Variants in ANKRD31 observed in about 807,000 individuals in gnomAD.
The protein encoded by ANKRD31 is ankyrin repeat domain 31, also known as ankyrin repeat domain-containing protein 31.
Under a neutral mutation model 186.0 loss-of-function variants are expected in ANKRD31, and 147 were observed. The ratio of observed to expected loss-of-function variants is 0.79; its 90% CI spans 0.69 to 0.91. The LOEUF (loss-of-function observed/expected upper bound fraction) is 0.91, where lower values mean the gene tolerates loss of function less well. Ranked by LOEUF, ANKRD31 falls within the 40% of genes least tolerant of loss-of-function variation. The pLI is 0.00. For synonymous variants in ANKRD31, 673 were observed against 736.4 expected (o/e 0.91, Z 1.39); for missense variants, 1,986 against 2,148.8 (o/e 0.92, Z 1.50).
chr5:75,140,438 G>A (rs777404472), intron 15 of ANKRD31, among the ~76,000 whole-genome samples: 3 of 151,990 alleles, frequency 2.0e-5, no homozygotes, highest in Non-Finnish European at 4.4e-5. Flanking sequence ...CAGTGGTATC[G>A]GCACCATGGA....
intron 2 of ANKRD31, chr5:75,225,292 G>A (rs1757563714): frequency 6.6e-6 from 1 of 152,220 alleles, no homozygotes; most frequent in African/African-American, 2.4e-5. Flanking sequence ...TCATACAATG[G>A]AATAATACAT....
intron 25 of ANKRD31, among the ~76,000 whole-genome samples, chr5:75,072,106 A>G (rs1174374057): frequency 6.6e-6 from 1 of 152,222 alleles, no homozygotes; most frequent in Non-Finnish European, 1.5e-5. Flanking sequence ...AATTGACATT[A>G]ACTATTATTT....
chr5:75,226,265 G>A (rs1168329955), intron 2 of ANKRD31, among the ~76,000 whole-genome samples: 3 of 152,328 alleles, frequency 2.0e-5, no homozygotes, highest in East Asian at 3.9e-4. Flanking sequence ...ACACAAGCCT[G>A]GCTGGTTTTG....
chr5:75,193,614 A>G, intron 7 of ANKRD31, 23 bp from the exon 8 acceptor site: 1 of 1,503,524 alleles, frequency 6.7e-7, no homozygotes, highest in East Asian at 2.5e-5. Context: ...AAATACATCC[A>G]CAAAAAATTA....
rs79291500 is a variant in ANKRD31, at chr5:75,164,685, C to G, written c.1707+4294G>C. Reference sequence around the variant, plus strand: ...TTCTGCCTTTTCCCTTCCTCCGTACCTTTTTCTCATGCTCCTTGATCCTGA... The same window carrying G: ...TTCTGCCTTTTCCCTTCCTCCGTACGTTTTTCTCATGCTCCTTGATCCTGA... On this transcript the variant is annotated intron_variant, in intron 11 of 25. Transcript: ENST00000506364. 2.6e-3 allele frequency among the ~76,000 whole-genome samples: 390 copies of G among 152,282 alleles called. 1 individual carries two copies. The highest frequency in any genetic ancestry group is 9.0e-3 in the African/African-American group (374 of 41,564).
Position 75,193,375 on chromosome 5 carries a change from T to A in ANKRD31, c.1234A>T (p.Ile412Phe). 6.5e-7 allele frequency: 1 copy of A among 1,536,982 alleles called. No individual in the cohort carries two copies. The highest frequency in any genetic ancestry group is 2.4e-5 in the East Asian group (1 of 40,898). Residue 412 changes from isoleucine to phenylalanine, a missense_variant, in exon 8 of 26, where the codon ATT (isoleucine) becomes TTT (phenylalanine). Transcript: ENST00000506364. ...TCACAGCCAAGGATTTTTGGTAAAA[T>A]CTTTTCTGGCATCTTATACATGTGA... ...SDHMYKMPEKILPKILGCEDL... is the reference protein window; with the variant it reads ...SDHMYKMPEKFLPKILGCEDL...
intron 22 of ANKRD31, among the ~76,000 whole-genome samples, chr5:75,100,011 T>G (rs1056505646): frequency 6.6e-6 from 1 of 152,196 alleles, no homozygotes; most frequent in Non-Finnish European, 1.5e-5. Context: ...TTAATTGTGA[T>G]GTTAGGGTGT....
chr5:75,153,737 G>C (rs1751986083), intron 12 of ANKRD31, among the ~76,000 whole-genome samples: 1 of 152,010 alleles, frequency 6.6e-6, no homozygotes, highest in African/African-American at 2.4e-5. Context: ...TTTAAATTAT[G>C]TTTACATAAT....
chr5:75,075,937 C>A (rs764736027), intron 25 of ANKRD31, among the ~76,000 whole-genome samples: 3 of 152,148 alleles, frequency 2.0e-5, no homozygotes, highest in African/African-American at 7.2e-5. Context: ...AGTTGATACA[C>A]GAGGTTCACT....
chr5:75,158,469 T>C (rs1225220093), intron 11 of ANKRD31, among the ~76,000 whole-genome samples: 4 of 152,154 alleles, frequency 2.6e-5, no homozygotes, highest in African/African-American at 9.7e-5. Context: ...AGAGTTGCTA[T>C]AATACATTAT....
chr5:75,164,359 A>G (rs577192963), intron 11 of ANKRD31, among the ~76,000 whole-genome samples: 1 of 152,320 alleles, frequency 6.6e-6, no homozygotes, highest in South Asian at 2.1e-4. Context: ...AATGTTTATT[A>G]TTATTTTAAG....
intron 10 of ANKRD31, among the ~76,000 whole-genome samples, chr5:75,184,098 G>A (rs954196456): frequency 1.3e-5 from 2 of 151,952 alleles, no homozygotes; most frequent in African/African-American, 4.8e-5. Flanking sequence ...ATAAATCCAC[G>A]CATCTACAGC....
Position 75,147,056 on chromosome 5 carries a change from G to C in ANKRD31, c.2355C>G (p.Ser785Arg), listed in dbSNP as rs1191955736. The change falls in exon 14 of 26, where the codon AGC becomes AGG. Residue 785 changes from serine (S) to arginine (R), a missense_variant. Coordinates refer to ENST00000506364, the MANE Select transcript of ANKRD31 (RefSeq NM_001372053.1). ...CATTTCTCAGGCTTGACAGAGTTAA[G>C]CTGGAAGGTTCACACAATTCTTCTG... Reference protein sequence around the residue: ...DLPEELCEPSSLTLSSLRNGL... With the variant: ...DLPEELCEPSRLTLSSLRNGL... 2.0e-6 allele frequency: 3 copies of C among 1,536,344 alleles called. No homozygotes were observed. Among genetic ancestry groups the C allele is most frequent in the African/African-American group, 2.7e-5 (2 of 73,080 alleles).
intron 22 of ANKRD31, among the ~76,000 whole-genome samples, chr5:75,096,435 C>A (rs963653976): frequency 2.0e-5 from 3 of 152,078 alleles, no homozygotes; most frequent in Non-Finnish European, 4.4e-5. Context: ...GGATAGATTG[C>A]AAAATTTTTC....
At chr5:75,115,589 G>T (rs1748164483) in intron 19 of ANKRD31, among the ~76,000 whole-genome samples, 1 of 151,650 alleles carries the variant, frequency 6.6e-6, no homozygotes, top group African/African-American at 2.4e-5. Flanking sequence ...CCATCAAAAA[G>T]TGGGCAAAGG....
At chr5:75,182,024 A>G (rs1445682381) in intron 10 of ANKRD31, among the ~76,000 whole-genome samples, 1 of 152,202 alleles carries the variant, frequency 6.6e-6, no homozygotes, top group Non-Finnish European at 1.5e-5. Context: ...GGATGGACAG[A>G]GAGATTTCAA....
chr5:75,189,108 C>T (rs1754931388), intron 9 of ANKRD31, among the ~76,000 whole-genome samples: 1 of 151,922 alleles, frequency 6.6e-6, no homozygotes, highest in Non-Finnish European at 1.5e-5. Flanking sequence ...AAAACTAATC[C>T]CAGTGAGACT....
intron 17 of ANKRD31, among the ~76,000 whole-genome samples, chr5:75,118,822 C>G (rs185503627): frequency 6.6e-6 from 1 of 152,116 alleles, no homozygotes; most frequent in Non-Finnish European, 1.5e-5. Flanking sequence ...GAATTTCTGA[C>G]GCCCAGAAGG....
intron 20 of ANKRD31, among the ~76,000 whole-genome samples, chr5:75,111,501 T>C (rs960986329): frequency 6.6e-6 from 1 of 152,068 alleles, no homozygotes; most frequent in Admixed American, 6.5e-5. Context: ...TGTGCAAAAT[T>C]TTAAAGGAGA....
Sources: allele counts gnomAD v4.1 joint callset (sites outside exome capture counted in the v4.1 genomes callset), GRCh38; gene constraint gnomAD v4.1.1; transcripts MANE v1.5; gene names NCBI Gene and HGNC (gene_info 2026-07-23, HGNC 2026-07-21).